The following VPS13D variants were observed in gnomAD, a reference collection of about 807,000 sequenced individuals.
VPS13D encodes the protein intermembrane lipid transfer protein VPS13D.
In VPS13D, 187 loss-of-function variants were observed where a neutral mutation model predicts 461.9. The ratio of observed to expected loss-of-function variants is 0.40; its 90% CI spans 0.36 to 0.46. VPS13D has a LOEUF of 0.46. VPS13D is among the 20% of genes least tolerant of loss of function. VPS13D has a pLI of 0.60. For synonymous variants in VPS13D, 1,951 were observed against 1,986.3 expected, an observed-to-expected ratio of 0.98 and a Z score of 0.47; for missense variants, 4,711 against 5,364.9, an observed-to-expected ratio of 0.88 and a Z score of 3.81.
At position 12,505,780 on chromosome 1, in the gene VPS13D, G is replaced by A. The variant is rs1646097257; in HGVS notation, c.12795-1073G>A. ...AGTTAGAACCTGTGATCCTTGCGGGGAGGGGGATGGGATCTAGAGAAGTTG... is the reference window on the plus strand; with the variant it reads ...AGTTAGAACCTGTGATCCTTGCGGGAAGGGGGATGGGATCTAGAGAAGTTG... On this transcript the variant is annotated intron_variant, in intron 68 of 69. Coordinates refer to ENST00000620676, the MANE Select transcript of VPS13D (RefSeq NM_015378.4). This position sits in a 1 kb window ranked among gnomAD's most constrained non-coding sequence, Gnocchi z 4.2. Among the ~76,000 whole-genome samples, 1 of 152,238 alleles carries A rather than the reference G, an allele frequency of 6.6e-6. No individual in the cohort carries two copies. The highest frequency in any genetic ancestry group is 1.9e-4 in the East Asian group (1 of 5,198).
At chr1:12,308,301 C>T (rs925800346) in intron 26 of VPS13D, 130 bp from the exon 27 acceptor site, 66 of 929,166 alleles carry the variant, frequency 7.1e-5, no homozygotes, top group Non-Finnish European at 1.0e-4. Context: ...GAGTAGTGGA[C>T]AGTGTGGGGA....
chr1:12,373,814 T>C lies in VPS13D; in HGVS notation c.10873T>C (p.Leu3625=). 6.2e-7 allele frequency: 1 copy of C among 1,607,108 alleles called. No homozygotes were observed. Among genetic ancestry groups the C allele is most frequent in the Non-Finnish European group, 8.5e-7 (1 of 1,176,618 alleles). ...GGCCATTACCTGTGCGGAGCTCGTTTTGGATGTCTCACCCAAGACACAAAG... is the reference window on the plus strand; with the variant it reads ...GGCCATTACCTGTGCGGAGCTCGTTCTGGATGTCTCACCCAAGACACAAAG... ...NKAITCAELV[L]DVSPKTQRVI... The change falls in exon 55 of 70, where the codon TTG becomes CTG. Residue 3625 remains leucine (L), a synonymous_variant. Transcript: ENST00000620676.
intron 18 of VPS13D, 65 bp downstream of exon 18, chr1:12,273,200 C>T: frequency 6.6e-7 from 1 of 1,510,930 alleles, no homozygotes; most frequent in Middle Eastern, 1.8e-4. Context: ...CTATGATTAT[C>T]TAAGTAAAGC....
intron 16 of VPS13D, among the ~76,000 whole-genome samples, chr1:12,270,707 G>A (rs749874198): frequency 1.3e-5 from 2 of 151,974 alleles, no homozygotes; most frequent in Non-Finnish European, 2.9e-5. Flanking sequence ...GTAAGAAACT[G>A]TTGTTACTGA....
In VPS13D at chr1:12,505,781, A is replaced by AG. The variant is rs1646097303; in HGVS notation, c.12795-1067dup. The stretch of plus-strand genomic sequence containing the variant: ...GTTAGAACCTGTGATCCTTGCGGGG[A>AG]GGGGGATGGGATCTAGAGAAGTTGG... On this transcript the variant is annotated intron_variant, in intron 68 of 69. Coordinates refer to ENST00000620676, the MANE Select transcript of VPS13D (RefSeq NM_015378.4). This position sits in a 1 kb window ranked among gnomAD's most constrained non-coding sequence, Gnocchi z 4.2. 6.6e-6 allele frequency among the ~76,000 whole-genome samples: 1 copy of AG among 152,032 alleles called. No individual in the cohort carries two copies. The highest frequency in any genetic ancestry group is 6.5e-5 in the Admixed American group (1 of 15,270).
intron 65 of VPS13D, among the ~76,000 whole-genome samples, chr1:12,441,797 T>A (rs1032061475): frequency 1.3e-5 from 2 of 152,234 alleles, no homozygotes; most frequent in African/African-American, 4.8e-5. Context: ...CAAGATATCA[T>A]TGGTCATCTA....
intron 13 of VPS13D, 129 bp from the exon 14 acceptor site, chr1:12,266,752 T>C (rs905225837): frequency 3.3e-5 from 31 of 925,724 alleles, no homozygotes; most frequent in Non-Finnish European, 4.5e-5. Context: ...TTTTTTTGTT[T>C]GTTTGTTTAA....
intron 65 of VPS13D, among the ~76,000 whole-genome samples, chr1:12,423,254 A>G (rs1384410084): frequency 3.3e-5 from 5 of 152,310 alleles, no homozygotes; most frequent in Non-Finnish European, 2.9e-5. Flanking sequence ...CTTTCCCAAG[A>G]TCAGCCAGGT....
intron 57 of VPS13D, among the ~76,000 whole-genome samples, chr1:12,382,187 C>T (rs949358849): frequency 1.1e-4 from 16 of 151,800 alleles, no homozygotes; most frequent in East Asian, 5.8e-4. Flanking sequence ...CTGCAACCTC[C>T]GCCTCCCGGG....
At chr1:12,254,775 G>A (rs1048744162) in intron 7 of VPS13D, among the ~76,000 whole-genome samples, 18 of 151,740 alleles carry the variant, frequency 1.2e-4, no homozygotes, top group Non-Finnish European at 2.2e-4. Context: ...TGATCCACCC[G>A]CCTTGGCCTC....
chr1:12,423,407 A>AAAAGC (rs1451004768), intron 65 of VPS13D, among the ~76,000 whole-genome samples: 1 of 152,238 alleles, frequency 6.6e-6, no homozygotes, highest in African/African-American at 2.4e-5. Context: ...AAATAAAATA[A>AAAAGC]AAAGCAAACC....
intron 2 of VPS13D, among the ~76,000 whole-genome samples, chr1:12,237,400 G>A (rs1481319975): frequency 2.6e-5 from 4 of 151,420 alleles, no homozygotes; most frequent in Admixed American, 2.6e-4. Context: ...GGCTGAGGTG[G>A]GAGGATCACT....
intron 44 of VPS13D, among the ~76,000 whole-genome samples, chr1:12,347,401 A>C (rs1477866365): frequency 6.6e-6 from 1 of 152,128 alleles, no homozygotes; most frequent in Non-Finnish European, 1.5e-5. Flanking sequence ...CGATCTCCTG[A>C]CCTCGTGATC....
rs370003045 is a variant in VPS13D at position 12,346,655 on chromosome 1, A to G, written c.9069+3A>G. 9 of 1,612,590 alleles carry G rather than the reference A, an allele frequency of 5.6e-6. No individual in the cohort carries two copies. In the African/African-American group the frequency reaches 1.1e-4, roughly 19 times the overall value. The stretch of plus-strand genomic sequence containing the variant: ...ATATTATACATCCCCAGGTTTATGT[A>G]AGTATGATTTTCCTGTTGTCATTGT... On this transcript the variant is annotated splice_donor_region_variant and intron_variant, in intron 44 of 69. Transcript: ENST00000620676.
chr1:12,331,930 C>T (rs756934878), intron 37 of VPS13D, among the ~76,000 whole-genome samples: 1 of 152,128 alleles, frequency 6.6e-6, no homozygotes. Flanking sequence ...TGGATTTGTT[C>T]AGTGGCTGAT....
chr1:12,281,332 G>A (rs1641774805), intron 20 of VPS13D, among the ~76,000 whole-genome samples: 1 of 152,162 alleles, frequency 6.6e-6, no homozygotes, highest in Non-Finnish European at 1.5e-5. Flanking sequence ...TTGCATTTGG[G>A]TGATACATTG....
chr1:12,351,347 A>G (rs1382709038), intron 46 of VPS13D, among the ~76,000 whole-genome samples: 1 of 151,930 alleles, frequency 6.6e-6, no homozygotes, highest in Non-Finnish European at 1.5e-5. Context: ...CTGGAGTGCA[A>G]GAGTGCAGTC....
chr1:12,269,743 C>G (rs1260521235), intron 16 of VPS13D, among the ~76,000 whole-genome samples: 1 of 152,084 alleles, frequency 6.6e-6, no homozygotes, highest in Non-Finnish European at 1.5e-5. Flanking sequence ...CCTAAATGTC[C>G]CTTCCCCCTT....
Position 12,369,476 on chromosome 1 carries a change from G to A in VPS13D, c.10582G>A (p.Val3528Ile), listed in dbSNP as rs1383290491. 1 of 1,614,126 alleles carries A rather than the reference G, an allele frequency of 6.2e-7. No homozygotes were observed. Among genetic ancestry groups the A allele is most frequent in the Admixed American group, 1.7e-5 (1 of 60,010 alleles). The part of the protein sequence containing the change: ...RIDNFSKVPV[V>I]FTQHGVAEPR... ...TCTGCCATCACTCTAGGTCCCGGTT[G>A]TCTTTACTCAGCATGGCGTAGCTGA... The change falls in exon 54 of 70, where the codon GTC (valine) becomes ATC (isoleucine). Residue 3528 changes from valine (V) to isoleucine (I), a missense_variant. Physicochemically the swap from Val to Ile is conservative, Grantham distance 29. Transcript: ENST00000620676.
Sources: allele counts gnomAD v4.1 joint callset (sites outside exome capture counted in the v4.1 genomes callset), GRCh38; gene constraint gnomAD v4.1.1; non-coding constraint Gnocchi (gnomAD v3.1); transcripts MANE v1.5; gene names NCBI Gene and HGNC (gene_info 2026-07-23, HGNC 2026-07-21).